Variants in TUSC3 observed in about 807,000 individuals in gnomAD.
TUSC3 encodes tumor suppressor candidate 3.
Under a neutral mutation model 44.8 loss-of-function variants are expected in TUSC3, and 45 were observed. That is an observed-to-expected ratio of 1.00 (90% CI 0.79 to 1.29). The LOEUF is 1.29. TUSC3 is among the 50% of genes most tolerant of loss of function. The pLI is 0.00. For missense variants in TUSC3, 519 were observed against 437.9 expected (o/e 1.19, Z -1.65); for synonymous variants, 212 against 152.9 (o/e 1.39, Z -2.85).
chr8:15,483,648 G>GTTTTTTTTTTT (rs1398002093), intron 2 of TUSC3, among the ~76,000 whole-genome samples: 1 of 43,450 alleles, frequency 2.3e-5, no homozygotes, highest in African/African-American at 7.8e-5. Context: ...CTAGCACTGT[G>GTTTTTTTTTTT]ATTTTTTTTT....
Position 15,764,189 on chromosome 8 carries a change from T to G in TUSC3, c.*47-14T>G, listed in dbSNP as rs776391759. The G allele has an allele frequency of 1.3e-5, 21 of 1,599,062 alleles. No homozygotes were observed. Among genetic ancestry groups the G allele is most frequent in the Non-Finnish European group, 1.8e-5 (21 of 1,167,990 alleles). Reference sequence around the variant, plus strand: ...TTCTATGTTCAGCACATAATAATTTTCTTTCTTTTTCAGCTTTTTAATTAA... The same window carrying G: ...TTCTATGTTCAGCACATAATAATTTGCTTTCTTTTTCAGCTTTTTAATTAA... On this transcript the variant is annotated splice_polypyrimidine_tract_variant and intron_variant, in intron 10 of 10. Transcript: ENST00000503731.
At chr8:15,492,067 G>A (rs996228678) in intron 2 of TUSC3, among the ~76,000 whole-genome samples, 15 of 152,068 alleles carry the variant, frequency 9.9e-5, no homozygotes, top group Admixed American at 2.6e-4. Flanking sequence ...TCCTGGCTAT[G>A]TCTTACTCAC....
At chr8:15,483,648 G>GTTTTTTTTTTTTTTT (rs1398002093) in intron 2 of TUSC3, among the ~76,000 whole-genome samples, 2 of 43,444 alleles carry the variant, frequency 4.6e-5, no homozygotes, top group Admixed American at 3.4e-4. Flanking sequence ...CTAGCACTGT[G>GTTTTTTTTTTTTTTT]ATTTTTTTTT....
chr8:15,538,407 T>G (rs1021365533), upstream of TUSC3, among the ~76,000 whole-genome samples: 1 of 152,166 alleles, frequency 6.6e-6, no homozygotes, highest in Non-Finnish European at 1.5e-5. Context: ...CACATAATAG[T>G]GGGAAATCAA....
chr8:15,627,642 G>A (rs1277574837), intron 2 of TUSC3, among the ~76,000 whole-genome samples: 1 of 152,216 alleles, frequency 6.6e-6, no homozygotes, highest in East Asian at 1.9e-4. Flanking sequence ...TGTGGTTTCT[G>A]GTGTCTCCAA....
chr8:15,473,661 C>T (rs190745056), intron 1 of TUSC3, among the ~76,000 whole-genome samples: 4 of 152,228 alleles, frequency 2.6e-5, no homozygotes, highest in South Asian at 2.1e-4. Context: ...CCACCTGAGC[C>T]GCAAAACCAG....
chr8:15,726,741 G>A (rs1810511040), intron 6 of TUSC3, among the ~76,000 whole-genome samples: 1 of 152,168 alleles, frequency 6.6e-6, no homozygotes, highest in South Asian at 2.1e-4. Flanking sequence ...AGGAGGCGGA[G>A]GTTGCAGTGA....
At chr8:15,597,396 A>ATAG (rs1175744073) in intron 1 of TUSC3, among the ~76,000 whole-genome samples, 1 of 152,094 alleles carries the variant, frequency 6.6e-6, no homozygotes, top group African/African-American at 2.4e-5. Flanking sequence ...GCATTCTTAA[A>ATAG]TATTAGTTGC....
intron 1 of TUSC3, among the ~76,000 whole-genome samples, chr8:15,423,520 C>T (rs769248283): frequency 2.4e-4 from 36 of 152,256 alleles, no homozygotes; most frequent in Admixed American, 9.8e-4. Flanking sequence ...TTTCGATTTC[C>T]GTCTTCTGGA....
chr8:15,777,780 G>A, the TUSC3 span, among the ~76,000 whole-genome samples: 1 of 152,118 alleles, frequency 6.6e-6, no homozygotes, highest in Admixed American at 6.6e-5. Flanking sequence ...TCCTTTACAG[G>A]AATTCCCTTT....
chr8:15,656,945 GC>G (rs1208249968), intron 3 of TUSC3, among the ~76,000 whole-genome samples: 2 of 152,302 alleles, frequency 1.3e-5, no homozygotes, highest in Admixed American at 1.3e-4. Flanking sequence ...CAACACTTGA[GC>G]CTACTTGATC....
intron 2 of TUSC3, among the ~76,000 whole-genome samples, chr8:15,641,890 A>G (rs1806389415): frequency 6.6e-6 from 1 of 152,230 alleles, no homozygotes; most frequent in Admixed American, 6.5e-5. Context: ...AACCAGACAA[A>G]AAGAGACGCA....
intron 1 of TUSC3, among the ~76,000 whole-genome samples, chr8:15,553,910 C>G (rs757367071): frequency 5.3e-5 from 8 of 151,854 alleles, no homozygotes; most frequent in Non-Finnish European, 1.2e-4. Flanking sequence ...TTCGTAGATA[C>G]TTTGTTTTCC....
chr8:15,456,606 A>G (rs1163154513), intron 1 of TUSC3, among the ~76,000 whole-genome samples: 1 of 152,176 alleles, frequency 6.6e-6, no homozygotes, highest in Non-Finnish European at 1.5e-5. Context: ...TCATTCACTT[A>G]TGGAACTTTG....
At chr8:15,850,855 C>T in the TUSC3 span, among the ~76,000 whole-genome samples, 1 of 152,188 alleles carries the variant, frequency 6.6e-6, no homozygotes, top group African/African-American at 2.4e-5. Context: ...ACTTTCATTT[C>T]TAGCTTCTAT....
chr8:15,484,015 C>G lies in TUSC3; in HGVS notation n.189+532C>G, dbSNP rs117672324. On this transcript the variant is annotated intron_variant and non_coding_transcript_variant, in intron 2 of 5. Transcript: ENST00000503191. Reference sequence around the variant, plus strand: ...ATAAATGTTGAGGTAATTGACATTGCTATGTGTTCTCTTTTTCTCTCCCAC... The same window carrying G: ...ATAAATGTTGAGGTAATTGACATTGGTATGTGTTCTCTTTTTCTCTCCCAC... Among the ~76,000 whole-genome samples the G allele has an allele frequency of 1.8e-3, 280 of 152,098 alleles. 6 individuals are homozygous for G. In the East Asian group the frequency reaches 0.046, roughly 25 times the overall value.
chr8:15,771,851 G>C, the TUSC3 span, among the ~76,000 whole-genome samples: 130 of 152,288 alleles, frequency 8.5e-4, 1 homozygote, highest in East Asian at 1.9e-4. Flanking sequence ...CACTTTGGGA[G>C]GCCGAGACAG....
At chr8:15,589,987 A>T (rs1803757680) in intron 1 of TUSC3, among the ~76,000 whole-genome samples, 1 of 152,028 alleles carries the variant, frequency 6.6e-6, no homozygotes, top group South Asian at 2.1e-4. Context: ...TCACTTTATA[A>T]TGTTTGTCTG....
At chr8:15,630,330 A>G (rs913037913) in intron 2 of TUSC3, among the ~76,000 whole-genome samples, 1 of 152,186 alleles carries the variant, frequency 6.6e-6, no homozygotes, top group African/African-American at 2.4e-5. Flanking sequence ...TTTGAGAAGA[A>G]TAAATAACAT....
Sources: allele counts gnomAD v4.1 joint callset (sites outside exome capture counted in the v4.1 genomes callset), GRCh38; gene constraint gnomAD v4.1.1; transcripts MANE v1.5; gene names NCBI Gene and HGNC (gene_info 2026-07-23, HGNC 2026-07-21).